The following FAM228B variants were observed in gnomAD, a reference collection of about 807,000 sequenced individuals.
FAM228B encodes the protein family with sequence similarity 228 member B, also known as protein FAM228B.
FAM228B carries 38 observed loss-of-function variants against 42.6 expected under a neutral mutation model. The ratio of observed to expected loss-of-function variants is 0.89; its 90% CI spans 0.69 to 1.17. The LOEUF (loss-of-function observed/expected upper bound fraction) is 1.17, where lower values mean the gene tolerates loss of function less well. FAM228B is among the 50% of genes most tolerant of loss of function. The pLI, the probability that FAM228B is intolerant of heterozygous loss-of-function variation, is 0.00. For missense variants in FAM228B, 344 were observed against 367.3 expected, an observed-to-expected ratio of 0.94 and a Z score of 0.52; for synonymous variants, 109 against 122.3, an observed-to-expected ratio of 0.89 and a Z score of 0.72.
intron 3 of FAM228B, among the ~76,000 whole-genome samples, chr2:24,109,171 CA>C (rs70944716): frequency 0.035 from 3,374 of 96,018 alleles, 70 homozygotes; most frequent in African/African-American, 0.1. Flanking sequence ...AGAGTAATGG[CA>C]AAAAAAAAAA....
chr2:24,090,787 A>G (rs1443228638), intron 2 of FAM228B, among the ~76,000 whole-genome samples: 1 of 152,108 alleles, frequency 6.6e-6, no homozygotes, highest in East Asian at 1.9e-4. Context: ...AAAGGAAAGT[A>G]TTTATAGTAG....
At chr2:24,101,644 G>A (rs565894833) in intron 3 of FAM228B, among the ~76,000 whole-genome samples, 14 of 151,982 alleles carry the variant, frequency 9.2e-5, no homozygotes, top group African/African-American at 3.4e-4. Context: ...GACTGAGTTC[G>A]AAATTAGTTC....
chr2:24,098,554 A>C (rs1354739770), intron 3 of FAM228B, among the ~76,000 whole-genome samples: 2 of 152,142 alleles, frequency 1.3e-5, no homozygotes, highest in Admixed American at 6.6e-5. Flanking sequence ...AATTCCTGGA[A>C]ACATACACCC....
intron 1 of FAM228B, chr2:24,076,976 A>C (rs1227992159): frequency 2.7e-5 from 4 of 146,500 alleles, no homozygotes; most frequent in Non-Finnish European, 5.7e-5. Context: ...CCAGGTGAGT[A>C]GCGGAAGGGA....
At chr2:24,160,455 A>G (rs1320831513) in intron 7 of FAM228B, among the ~76,000 whole-genome samples, 1 of 152,114 alleles carries the variant, frequency 6.6e-6, no homozygotes, top group Non-Finnish European at 1.5e-5. Flanking sequence ...GATTAGATAT[A>G]TATATTAGGC....
intron 1 of FAM228B, among the ~76,000 whole-genome samples, chr2:24,078,480 TAAAAAAAAAA>T (rs36089798): frequency 9.5e-6 from 1 of 104,954 alleles, no homozygotes; most frequent in Non-Finnish European, 1.9e-5. Flanking sequence ...CCTGTCTCCA[TAAAAAAAAAA>T]AAAAAAAAAA....
In FAM228B at chr2:24,083,035, C is replaced by G. The variant is rs534821286; in HGVS notation, c.-210+2080C>G. The G allele has an allele frequency of 9.9e-6, 16 of 1,614,200 alleles. No homozygotes were observed. The African/African-American group carries it at 2.1e-4, about 22-fold the overall frequency. On this transcript the variant is annotated intron_variant, in intron 2 of 10. Coordinates refer to the FAM228B transcript ENST00000613899. ...CCCCCACCGGGGAGCAGAGCCATGG[C>G]TGTGTCCCCGATCTTCCAGTGTCCC...
At chr2:24,136,866 C>T (rs1666604054) in intron 3 of FAM228B, among the ~76,000 whole-genome samples, 2 of 152,160 alleles carry the variant, frequency 1.3e-5, no homozygotes, top group Non-Finnish European at 2.9e-5. Context: ...ACCACTATTT[C>T]CAAAACTTTT....
chr2:24,138,854 G>A (rs1458976809), intron 4 of FAM228B, among the ~76,000 whole-genome samples: 1 of 151,170 alleles, frequency 6.6e-6, no homozygotes, highest in Non-Finnish European at 1.5e-5. Context: ...GCTGAGGCAG[G>A]AGAATCACTT....
intron 3 of FAM228B, among the ~76,000 whole-genome samples, chr2:24,105,700 A>G (rs1371522314): frequency 6.6e-6 from 1 of 152,256 alleles, no homozygotes; most frequent in Non-Finnish European, 1.5e-5. Flanking sequence ...ACCCAATCCA[A>G]GGAAGCTAAT....
rs1371792768 is a variant in FAM228B at position 24,167,690 on chromosome 2, G to A, written c.*14+7G>A. The A allele has an allele frequency of 6.4e-7, 1 of 1,551,350 alleles. No homozygotes were observed. Among genetic ancestry groups the A allele is most frequent in the Non-Finnish European group, 8.7e-7 (1 of 1,146,700 alleles). On this transcript the variant is annotated splice_region_variant and intron_variant, in intron 10 of 10. Transcript: ENST00000615575. ...TATAAGAAAGAAGAGGGAGGTAGATGTCTTCTCTCTTTCCCTTCTTACTCT... is the reference window on the plus strand; with the variant it reads ...TATAAGAAAGAAGAGGGAGGTAGATATCTTCTCTCTTTCCCTTCTTACTCT...
chr2:24,121,652 G>A (rs1451213348), upstream of FAM228B, among the ~76,000 whole-genome samples: 1 of 152,064 alleles, frequency 6.6e-6, no homozygotes, highest in Admixed American at 6.6e-5. Context: ...CAGCGTTTTC[G>A]GTGGGGCCTA....
intron 5 of FAM228B, among the ~76,000 whole-genome samples, chr2:24,145,527 G>C (rs967075242): frequency 1.3e-5 from 2 of 152,124 alleles, no homozygotes; most frequent in Non-Finnish European, 2.9e-5. Flanking sequence ...CATTACCCCA[G>C]ATGCACAGAT....
intron 3 of FAM228B, chr2:24,115,714 C>T: frequency 1.5e-6 from 2 of 1,296,446 alleles, no homozygotes; most frequent in Non-Finnish European, 2.2e-6. Context: ...CAGGTGACTG[C>T]CATGTGCTAG....
chr2:24,153,063 C>T (rs1667059010), intron 7 of FAM228B, among the ~76,000 whole-genome samples: 3 of 152,142 alleles, frequency 2.0e-5, no homozygotes, highest in African/African-American at 4.8e-5. Flanking sequence ...TGAATGCTGC[C>T]AGGCCTGGGA....
chr2:24,136,789 C>T (rs1353062829), intron 3 of FAM228B, among the ~76,000 whole-genome samples: 1 of 152,156 alleles, frequency 6.6e-6, no homozygotes, highest in African/African-American at 2.4e-5. Context: ...ATAAAATTTG[C>T]CATTTTAACC....
intron 3 of FAM228B, among the ~76,000 whole-genome samples, chr2:24,108,571 C>T (rs1665736739): frequency 2.6e-5 from 4 of 152,166 alleles, no homozygotes; most frequent in Non-Finnish European, 2.9e-5. Context: ...AAAATGCTAG[C>T]AAACTGAATC....
In FAM228B at chr2:24,145,299, C is replaced by G. The variant is rs537652876; in HGVS notation, c.442-1449C>G. Among the ~76,000 whole-genome samples, 6 of 152,310 alleles carry G rather than the reference C, an allele frequency of 3.9e-5. No individual in the cohort carries two copies. In the South Asian group the frequency reaches 1.2e-3, roughly 32 times the overall value. ...TGGCCTGCCCAGTGTCCCCATCCCC[C>G]GCAAAGCCTCACCACAGCCTCCAAC... is the stretch of plus-strand genomic sequence containing the variant. On this transcript the variant is annotated intron_variant, in intron 5 of 10. Transcript: ENST00000615575.
chr2:24,150,844 GC>G lies in FAM228B; in HGVS notation c.686+3759del, dbSNP rs528578195. Among the ~76,000 whole-genome samples, 261 of 152,260 alleles carry G rather than the reference GC, an allele frequency of 1.7e-3. 2 individuals are homozygous for G. The highest frequency in any genetic ancestry group is 1.1e-3 in the Non-Finnish European group (75 of 68,018). The stretch of plus-strand genomic sequence containing the variant: ...TGTTATTTGTTTCTTTCCTCTTGAT[GC>G]TTTTAGGATCCTTTCTTTATTCTTG... On this transcript the variant is annotated intron_variant, in intron 7 of 10. Transcript: ENST00000615575.
Sources: gnomAD v4.1 joint callset for allele counts (sites outside exome capture counted in the v4.1 genomes callset) on GRCh38, gnomAD v4.1.1 for gene constraint, MANE v1.5 for transcripts, NCBI Gene and HGNC (gene_info 2026-07-23, HGNC 2026-07-21) for gene names.